PCOLCE2: variants seen among roughly 807,000 people sequenced by gnomAD.
PCOLCE2 encodes procollagen C-proteinase enhancer 2.
In PCOLCE2, 42 loss-of-function variants were observed where a neutral mutation model predicts 47.0. The ratio of observed to expected loss-of-function variants is 0.89; its 90% CI spans 0.70 to 1.16. The LOEUF is 1.16. PCOLCE2 is among the 50% of genes most tolerant of loss of function. PCOLCE2 has a pLI of 0.00. For synonymous variants in PCOLCE2, 169 were observed against 191.7 expected (o/e 0.88, Z 0.98); for missense variants, 500 against 526.1 (o/e 0.95, Z 0.49).
At chr3:142,827,493 G>A (rs1412184150) in intron 6 of PCOLCE2, 2 of 1,500,992 alleles carry the variant, frequency 1.3e-6, no homozygotes, top group African/African-American at 1.4e-5. Flanking sequence ...GCCCAGGACA[G>A]CTTGCTACGG....
intron 6 of PCOLCE2, among the ~76,000 whole-genome samples, chr3:142,826,073 C>T (rs926688303): frequency 1.3e-5 from 2 of 151,652 alleles, no homozygotes; most frequent in Non-Finnish European, 2.9e-5. Flanking sequence ...GGCGCGATGT[C>T]GGCTCACTGC....
intron 2 of PCOLCE2, among the ~76,000 whole-genome samples, chr3:142,884,918 T>C (rs1933691324): frequency 6.6e-6 from 1 of 152,264 alleles, no homozygotes; most frequent in Non-Finnish European, 1.5e-5. Context: ...ATTGAGCACT[T>C]GAATGTGGCT....
chr3:142,829,648 T>G (rs1267937727), intron 6 of PCOLCE2, 44 bp downstream of exon 6: 1 of 1,448,174 alleles, frequency 6.9e-7, no homozygotes, highest in Non-Finnish European at 9.3e-7. Flanking sequence ...ATTCTTCTTA[T>G]ACTCCTAAAG....
In PCOLCE2 at chr3:142,833,095, C is replaced by G. The variant is rs375843514; in HGVS notation, c.711-3249G>C. ...TTCTTGTTTTTAGCTATAGGTTTAT[C>G]ACACACATATGCATCACTATGCGAT... On this transcript the variant is annotated intron_variant, in intron 5 of 8. Coordinates refer to ENST00000295992, the MANE Select transcript of PCOLCE2 (RefSeq NM_013363.4). Among the ~76,000 whole-genome samples the G allele has an allele frequency of 7.9e-5, 12 of 152,324 alleles. No homozygotes were observed. The East Asian group carries it at 2.3e-3, about 29-fold the overall frequency.
At chr3:142,827,557 C>A in intron 6 of PCOLCE2, 2 of 1,474,034 alleles carry the variant, frequency 1.4e-6, no homozygotes, top group Non-Finnish European at 1.9e-6. Context: ...GCATGGTGCC[C>A]ACAGGGAGCA....
intron 7 of PCOLCE2, among the ~76,000 whole-genome samples, chr3:142,822,476 G>C (rs1399156132): frequency 6.6e-6 from 1 of 152,132 alleles, no homozygotes; most frequent in African/African-American, 2.4e-5. Context: ...TGCTTAGGCA[G>C]TGTGCAATGT....
Position 142,818,038 on chromosome 3 carries a change from C to T in PCOLCE2, c.*297G>A. On this transcript the variant is annotated 3_prime_UTR_variant, in exon 9 of 9. Coordinates refer to ENST00000295992, the MANE Select transcript of PCOLCE2 (RefSeq NM_013363.4). Reference sequence around the variant, plus strand: ...AACTCAATTCTAAAATATCCTTTTACAGAGATGTATAAATAAACGCTTCCA... The same window carrying T: ...AACTCAATTCTAAAATATCCTTTTATAGAGATGTATAAATAAACGCTTCCA... 4.2e-6 allele frequency: 1 copy of T among 236,168 alleles called. No homozygotes were observed. The highest frequency in any genetic ancestry group is 8.4e-6 in the Non-Finnish European group (1 of 119,266). The allele number at this position is 236,168 out of a possible 1,614,324, so 14.6% of individuals were successfully genotyped here.
intron 2 of PCOLCE2, among the ~76,000 whole-genome samples, chr3:142,873,908 A>C (rs1031528692): frequency 4.6e-5 from 7 of 152,118 alleles, no homozygotes; most frequent in African/African-American, 1.7e-4. Flanking sequence ...AAAAACTTAG[A>C]AGTCTCCTAA....
chr3:142,827,915 G>A (rs1202723803), intron 6 of PCOLCE2, among the ~76,000 whole-genome samples: 3 of 152,160 alleles, frequency 2.0e-5, no homozygotes, highest in African/African-American at 7.2e-5. Flanking sequence ...CCCCCTAGCT[G>A]TGCAAGCCCG....
At chr3:142,884,205 G>A (rs1376762049) in intron 2 of PCOLCE2, among the ~76,000 whole-genome samples, 1 of 152,168 alleles carries the variant, frequency 6.6e-6, no homozygotes, top group Non-Finnish European at 1.5e-5. Context: ...TAATAGAGGG[G>A]TCCAGGTGGT....
intron 2 of PCOLCE2, among the ~76,000 whole-genome samples, chr3:142,858,817 T>C (rs1578043378): frequency 6.6e-6 from 1 of 152,296 alleles, no homozygotes; most frequent in East Asian, 1.9e-4. Context: ...CTTTACACCT[T>C]TGAAAACTGA....
At chr3:142,876,515 C>T (rs1265249770) in intron 2 of PCOLCE2, among the ~76,000 whole-genome samples, 1 of 152,108 alleles carries the variant, frequency 6.6e-6, no homozygotes, top group Non-Finnish European at 1.5e-5. Context: ...TAATAATGTA[C>T]TCTTATTTGT....
intron 2 of PCOLCE2, among the ~76,000 whole-genome samples, chr3:142,883,709 A>C (rs200893431): frequency 1.1e-4 from 16 of 151,980 alleles, no homozygotes; most frequent in Non-Finnish European, 1.8e-4. Context: ...TAAAAAAAAA[A>C]AAAACACATA....
At chr3:142,818,689 T>C (rs1051242152) in intron 8 of PCOLCE2, among the ~76,000 whole-genome samples, 1 of 152,164 alleles carries the variant, frequency 6.6e-6, no homozygotes, top group Non-Finnish European at 1.5e-5. Flanking sequence ...TAAGCGATTC[T>C]CCTGCCTCAG....
At chr3:142,859,669 G>A (rs1198516617) in intron 2 of PCOLCE2, among the ~76,000 whole-genome samples, 3 of 151,632 alleles carry the variant, frequency 2.0e-5, no homozygotes, top group South Asian at 2.1e-4. Context: ...AGGTTCAAGC[G>A]ATTCCCCTGC....
intron 2 of PCOLCE2, among the ~76,000 whole-genome samples, chr3:142,869,812 G>A (rs1258747569): frequency 1.3e-5 from 2 of 152,184 alleles, no homozygotes; most frequent in Non-Finnish European, 2.9e-5. Context: ...TACATGTAAT[G>A]ATTGATGCCT....
intron 2 of PCOLCE2, among the ~76,000 whole-genome samples, chr3:142,863,275 C>A (rs1578045382): frequency 6.6e-6 from 1 of 152,086 alleles, no homozygotes; most frequent in East Asian, 1.9e-4. Flanking sequence ...CAGGTACCAT[C>A]CACAATACAA....
Position 142,829,704 on chromosome 3 carries a change from G to T in PCOLCE2, c.853C>A (p.Pro285Thr), listed in dbSNP as rs1392066508. The change falls in exon 6 of 9, where the codon CCT becomes ACT. Residue 285 changes from proline to threonine, a missense_variant. Transcript: ENST00000295992. ...CAGGAAAACTTACCCGTGGTTACAG[G>T]GAATGTGGTGGTGACAGGCTGTTCT... is the stretch of plus-strand genomic sequence containing the variant. ...TTEQPVTTTFPVTTGLKPTVA... is the reference protein window; with the variant it reads ...TTEQPVTTTFTVTTGLKPTVA... 1 of 1,585,204 alleles carries T rather than the reference G, an allele frequency of 6.3e-7. No homozygotes were observed. The highest frequency in any genetic ancestry group is 2.3e-5 in the East Asian group (1 of 44,350).
rs368076904 is a variant in PCOLCE2 at position 142,818,402 on chromosome 3, C to A, written c.1181G>T (p.Ser394Ile). 1 of 1,612,444 alleles carries A rather than the reference C, an allele frequency of 6.2e-7. No homozygotes were observed. The highest frequency in any genetic ancestry group is 8.5e-7 in the Non-Finnish European group (1 of 1,178,748). The change falls in exon 9 of 9, where the codon AGC becomes ATC. Residue 394 changes from serine to isoleucine, a missense_variant. Physicochemically the swap from Ser to Ile is moderately radical, Grantham distance 142 (BLOSUM62 -2). Coordinates refer to ENST00000295992, the MANE Select transcript of PCOLCE2 (RefSeq NM_013363.4). The part of the protein sequence containing the change: ...EDGRGKIMPN[S>I]FIMMFKTKNQ... ...CTTGGTCTTGAACATCATGATAAAG[C>A]TGTTTGGCATGATTTTGCCTCGCCC...
Sources: allele counts gnomAD v4.1 joint callset (sites outside exome capture counted in the v4.1 genomes callset), GRCh38; gene constraint gnomAD v4.1.1; transcripts MANE v1.5; gene names NCBI Gene and HGNC (gene_info 2026-07-23, HGNC 2026-07-21).